The following DLG1 variants were observed in gnomAD, a reference collection of about 807,000 sequenced individuals.
The protein encoded by DLG1 is discs large MAGUK scaffold protein 1, also known as disks large homolog 1.
A neutral mutation model predicts 123.4 loss-of-function variants in DLG1; 42 were observed. The ratio of observed to expected loss-of-function variants is 0.34; its 90% CI spans 0.27 to 0.44. The LOEUF is 0.44. Ranked by LOEUF, DLG1 falls within the 20% of genes least tolerant of loss-of-function variation. The probability of loss-of-function intolerance (pLI) is 1.00; values close to 1 mark genes in which losing one functional copy is unlikely to be tolerated. For missense variants in DLG1, 942 were observed against 1,082.6 expected (o/e 0.87, Z 1.82); for synonymous variants, 317 against 356.2 (o/e 0.89, Z 1.24).
At chr3:197,254,759 A>G (rs1756030435) in intron 4 of DLG1, among the ~76,000 whole-genome samples, 2 of 152,144 alleles carry the variant, frequency 1.3e-5, no homozygotes, top group Non-Finnish European at 2.9e-5. Flanking sequence ...GAAATCTATG[A>G]CCTATTCAAA....
At chr3:197,102,543 C>T (rs1480783018) in intron 14 of DLG1, among the ~76,000 whole-genome samples, 2 of 152,168 alleles carry the variant, frequency 1.3e-5, no homozygotes, top group African/African-American at 2.4e-5. Flanking sequence ...TGCTTTTCCC[C>T]ACCTCTTATT....
chr3:197,255,591 A>G (rs1364857248), intron 4 of DLG1, among the ~76,000 whole-genome samples: 5 of 152,218 alleles, frequency 3.3e-5, no homozygotes, highest in African/African-American at 4.8e-5. Flanking sequence ...AGCTTTCTTC[A>G]TAACAACCAA....
chr3:197,119,240 A>G lies in DLG1; in HGVS notation c.1286+170T>C, dbSNP rs992000652. ...ATTTATTTGTAAAAATAAAACATGT[A>G]TATTTCAGGCTCTTCAATGAATCCT... On this transcript the variant is annotated intron_variant, in intron 12 of 24. Coordinates refer to ENST00000667157, the MANE Select transcript of DLG1 (RefSeq NM_001366207.1). 2.6e-5 allele frequency among the ~76,000 whole-genome samples: 4 copies of G among 152,232 alleles called. 1 individual carries two copies. The highest frequency in any genetic ancestry group is 9.6e-5 in the African/African-American group (4 of 41,466).
intron 5 of DLG1, among the ~76,000 whole-genome samples, chr3:197,187,338 A>G (rs909719598): frequency 3.3e-5 from 5 of 152,208 alleles, no homozygotes; most frequent in African/African-American, 4.8e-5. Flanking sequence ...ATTTGGTTCA[A>G]AAGGCTTATA....
intron 4 of DLG1, among the ~76,000 whole-genome samples, chr3:197,207,422 T>C (rs575040712): frequency 2.0e-4 from 31 of 152,228 alleles, no homozygotes; most frequent in African/African-American, 7.0e-4. Context: ...GTCAAAGATA[T>C]CATCTCCTTC....
intron 4 of DLG1, among the ~76,000 whole-genome samples, chr3:197,266,261 C>A (rs1435468976): frequency 6.6e-6 from 1 of 151,970 alleles, no homozygotes; most frequent in Non-Finnish European, 1.5e-5. Context: ...AAAAATCAAT[C>A]AATAAAAACT....
intron 3 of DLG1, among the ~76,000 whole-genome samples, chr3:197,284,295 A>G: frequency 6.6e-6 from 1 of 152,200 alleles, no homozygotes; most frequent in South Asian, 2.1e-4. Flanking sequence ...ACACATACGC[A>G]CACACACATA....
intron 24 of DLG1, among the ~76,000 whole-genome samples, chr3:197,046,367 C>T (rs1723056616): frequency 6.6e-6 from 1 of 152,134 alleles, no homozygotes; most frequent in Admixed American, 6.6e-5. Flanking sequence ...ACCAGGGAAA[C>T]TGGGAAAGCA....
intron 11 of DLG1, among the ~76,000 whole-genome samples, chr3:197,127,650 A>C (rs1780438875): frequency 6.6e-6 from 1 of 151,168 alleles, no homozygotes; most frequent in African/African-American, 2.4e-5. Flanking sequence ...AAATCCCTTT[A>C]ATTTTAGATA....
Position 197,046,178 on chromosome 3 carries a change from T to C in DLG1, c.2576-1449A>G, listed in dbSNP as rs966068805. Among the ~76,000 whole-genome samples, 7 of 152,296 alleles carry C rather than the reference T, an allele frequency of 4.6e-5. No homozygotes were observed. In the South Asian group the frequency reaches 1.4e-3, roughly 32 times the overall value. On this transcript the variant is annotated intron_variant, in intron 24 of 24. Coordinates refer to ENST00000667157, the MANE Select transcript of DLG1 (RefSeq NM_001366207.1). The stretch of plus-strand genomic sequence containing the variant: ...TGCACCCCAACAGCACAGGACAGAA[T>C]CCCAGAGCATTTCATAGTTTAGGTT...
chr3:197,105,934 T>A (rs909900164), intron 13 of DLG1, among the ~76,000 whole-genome samples: 2 of 152,210 alleles, frequency 1.3e-5, no homozygotes, highest in South Asian at 4.1e-4. Context: ...CACAAAAACT[T>A]GTTTTGTTGA....
intron 10 of DLG1, among the ~76,000 whole-genome samples, chr3:197,134,161 A>G (rs1428461721): frequency 1.3e-5 from 2 of 152,208 alleles, no homozygotes; most frequent in Non-Finnish European, 2.9e-5. Context: ...TTGAGGAAAG[A>G]GTGGTGATCT....
At chr3:197,090,321 G>T (rs200145951) in intron 15 of DLG1, among the ~76,000 whole-genome samples, 2 of 136,768 alleles carry the variant, frequency 1.5e-5, no homozygotes, top group African/African-American at 5.5e-5. Flanking sequence ...AAAAAAAAAA[G>T]AAACACCCCA....
chr3:197,270,332 T>G (rs1212801859), intron 4 of DLG1, among the ~76,000 whole-genome samples: 1 of 152,070 alleles, frequency 6.6e-6, no homozygotes, highest in African/African-American at 2.4e-5. Context: ...AAATAAAAAT[T>G]TCTCGGTATA....
intron 23 of DLG1, among the ~76,000 whole-genome samples, chr3:197,059,363 G>A (rs1734190233): frequency 6.6e-6 from 1 of 152,088 alleles, no homozygotes; most frequent in South Asian, 2.1e-4. Context: ...TAATTTTTAA[G>A]GTGTGTCTGA....
intron 4 of DLG1, among the ~76,000 whole-genome samples, chr3:197,274,459 A>G (rs1311020121): frequency 6.6e-6 from 1 of 152,208 alleles, no homozygotes; most frequent in Non-Finnish European, 1.5e-5. Flanking sequence ...ATCAAAATAG[A>G]TTAAAGACTT....
chr3:197,154,998 TAA>T (rs1301895867), intron 5 of DLG1, among the ~76,000 whole-genome samples: 2 of 151,930 alleles, frequency 1.3e-5, no homozygotes, highest in Non-Finnish European at 2.9e-5. Context: ...AAATGACAGA[TAA>T]AAGAGTAGAA....
At chr3:197,126,103 T>C (rs1778939647) in intron 11 of DLG1, among the ~76,000 whole-genome samples, 1 of 152,166 alleles carries the variant, frequency 6.6e-6, no homozygotes, top group South Asian at 2.1e-4. Flanking sequence ...AAGCAAAATA[T>C]TATGATCAAG....
chr3:197,246,741 G>C (rs1751895598), intron 4 of DLG1, among the ~76,000 whole-genome samples: 1 of 152,178 alleles, frequency 6.6e-6, no homozygotes, highest in South Asian at 2.1e-4. Context: ...GACAGGAATA[G>C]CGATGGGTAG....
Sources: allele counts gnomAD v4.1 joint callset (sites outside exome capture counted in the v4.1 genomes callset), GRCh38; gene constraint gnomAD v4.1.1; transcripts MANE v1.5; gene names NCBI Gene and HGNC (gene_info 2026-07-23, HGNC 2026-07-21).